Variants in MTSS1 observed in about 807,000 individuals in gnomAD.
MTSS1 encodes MTSS I-BAR domain containing 1.
In MTSS1, 18 loss-of-function variants were observed where a neutral mutation model predicts 79.0. The ratio of observed to expected loss-of-function variants is 0.23; its 90% CI spans 0.16 to 0.34. The LOEUF is 0.34. MTSS1 is among the 10% of genes least tolerant of loss of function. MTSS1 has a pLI of 1.00. For missense variants in MTSS1, 815 were observed against 986.2 expected, an observed-to-expected ratio of 0.83 and a Z score of 2.33; for synonymous variants, 341 against 368.6, an observed-to-expected ratio of 0.93 and a Z score of 0.86.
chr8:124,668,301 T>C (rs1217059052), intron 3 of MTSS1, among the ~76,000 whole-genome samples: 1 of 152,202 alleles, frequency 6.6e-6, no homozygotes, highest in East Asian at 1.9e-4. Flanking sequence ...GCCCTAACCC[T>C]ACCAATGTGT....
intron 8 of MTSS1, 53 bp downstream of exon 8, chr8:124,567,018 G>A (rs1366827251): frequency 4.1e-5 from 58 of 1,410,878 alleles, no homozygotes; most frequent in Non-Finnish European, 5.1e-5. Context: ...TCAGGGCCTT[G>A]AGCTTTTACC....
chr8:124,687,666 C>A (rs1427970478), intron 3 of MTSS1, among the ~76,000 whole-genome samples: 1 of 152,230 alleles, frequency 6.6e-6, no homozygotes, highest in East Asian at 1.9e-4. Context: ...CGGGTAAACA[C>A]CCTTGTCAGC....
chr8:124,604,623 C>T (rs1834489287), intron 3 of MTSS1, among the ~76,000 whole-genome samples: 1 of 151,920 alleles, frequency 6.6e-6, no homozygotes, highest in Non-Finnish European at 1.5e-5. Flanking sequence ...CTGTTTTATT[C>T]AGCTACTGTA....
chr8:124,610,960 T>C (rs7839742), intron 3 of MTSS1, among the ~76,000 whole-genome samples: 116 of 152,338 alleles, frequency 7.6e-4, no homozygotes, highest in Admixed American at 2.8e-3. Context: ...TTATGCTACA[T>C]GGAAACAGCA....
At chr8:124,571,465 AG>A (rs554010858) in intron 6 of MTSS1, among the ~76,000 whole-genome samples, 150 of 152,332 alleles carry the variant, frequency 9.8e-4, no homozygotes, top group African/African-American at 3.5e-3. Context: ...CACATGACTC[AG>A]GGCTGGTCTA....
At chr8:124,564,687 T>TACACACACACACACACACACACACACA (rs1554639346) in intron 9 of MTSS1, 3 of 47,446 alleles carry the variant, frequency 6.3e-5, no homozygotes, top group Admixed American at 3.6e-4. Flanking sequence ...GGTCTCTCTT[T>TACACACACACACACACACACACACACA]CACTCACACA....
chr8:124,639,797 TACTA>T (rs1817693184), intron 3 of MTSS1, among the ~76,000 whole-genome samples: 1 of 152,236 alleles, frequency 6.6e-6, no homozygotes, highest in South Asian at 2.1e-4. Context: ...CTATGACTAT[TACTA>T]ACTAAATGTT....
intron 3 of MTSS1, among the ~76,000 whole-genome samples, chr8:124,639,620 G>C (rs946946646): frequency 6.6e-6 from 1 of 151,924 alleles, no homozygotes; most frequent in African/African-American, 2.4e-5. Flanking sequence ...GTGCCACCAT[G>C]CCCAGCTAAT....
At chr8:124,670,634 G>C (rs1269323269) in intron 3 of MTSS1, among the ~76,000 whole-genome samples, 1 of 152,202 alleles carries the variant, frequency 6.6e-6, no homozygotes, top group Non-Finnish European at 1.5e-5. Context: ...AACACCATTT[G>C]TACAGCACCC....
rs374182226 is a variant in MTSS1, at chr8:124,727,989, C to A, written c.-34G>T. 3.8e-5 allele frequency: 61 copies of A among 1,597,332 alleles called. No individual in the cohort carries two copies. The African/African-American group carries it at 7.8e-4, about 20-fold the overall frequency. On this transcript the variant is annotated 5_prime_UTR_variant, in exon 1 of 14. Coordinates refer to ENST00000518547, the MANE Select transcript of MTSS1 (RefSeq NM_014751.6). The surrounding 1 kb of genome is among the most constrained non-coding windows in gnomAD (Gnocchi z 4.7). The stretch of plus-strand genomic sequence containing the variant: ...CTCCGGCAGGGCGAGGGCACACACG[C>A]GGGGCCGCTGGACTGCGCGCGGGGC...
intron 3 of MTSS1, among the ~76,000 whole-genome samples, chr8:124,604,016 A>G (rs1038719145): frequency 1.3e-5 from 2 of 152,190 alleles, no homozygotes; most frequent in Non-Finnish European, 2.9e-5. Context: ...GTTCAAGACC[A>G]GCCTGGCCAG....
chr8:124,692,425 C>A (rs180821143), intron 3 of MTSS1, among the ~76,000 whole-genome samples: 7 of 151,812 alleles, frequency 4.6e-5, no homozygotes, highest in Non-Finnish European at 1.0e-4. Context: ...TCTAATTACA[C>A]GAAAGAGTTC....
chr8:124,602,093 G>A (rs1229079392), intron 3 of MTSS1, among the ~76,000 whole-genome samples: 3 of 150,264 alleles, frequency 2.0e-5, no homozygotes, highest in African/African-American at 7.4e-5. Flanking sequence ...CTGGGCCACA[G>A]TGGAAGAGGA....
chr8:124,580,672 T>C lies in MTSS1; in HGVS notation c.460+4415A>G, dbSNP rs796300044. On this transcript the variant is annotated intron_variant, in intron 6 of 13. Coordinates refer to ENST00000518547, the MANE Select transcript of MTSS1 (RefSeq NM_014751.6). ...CAGCAGCAGTCTTACCTTTGTTTCA[T>C]GTGTTAAACAGTCCATGGCTCGCCA... 6.0e-6 allele frequency: 8 copies of C among 1,333,754 alleles called. No homozygotes were observed. The African/African-American group carries it at 7.2e-5, about 12-fold the overall frequency. The allele number at this position is 1,333,754 out of a possible 1,614,324, so 82.6% of individuals were successfully genotyped here. A position where few individuals can be genotyped will look rare whatever the true frequency, so the allele number is the denominator to read the frequency against.
chr8:124,567,820 G>A (rs1168538229), intron 7 of MTSS1: 1 of 1,516,174 alleles, frequency 6.6e-7, no homozygotes, highest in East Asian at 2.5e-5. Flanking sequence ...TAAGGGAAAT[G>A]AGCTGGTACC....
At chr8:124,700,454 T>G (rs1325300147) in intron 2 of MTSS1, among the ~76,000 whole-genome samples, 4 of 152,184 alleles carry the variant, frequency 2.6e-5, no homozygotes, top group Admixed American at 2.6e-4. Flanking sequence ...CTCACAGGCT[T>G]GGGCTTGACC....
At chr8:124,720,459 G>C (rs1832741429) in intron 1 of MTSS1, among the ~76,000 whole-genome samples, 1 of 152,208 alleles carries the variant, frequency 6.6e-6, no homozygotes, top group Admixed American at 6.5e-5. Flanking sequence ...GATGGGAAAA[G>C]ATGACCCTAA....
chr8:124,684,121 C>A (rs1193986924), intron 3 of MTSS1, among the ~76,000 whole-genome samples: 2 of 152,016 alleles, frequency 1.3e-5, no homozygotes, highest in African/African-American at 4.8e-5. Flanking sequence ...TTTTTCTAGA[C>A]GAATGAACTG....
At chr8:124,671,868 T>G (rs189107691) in intron 3 of MTSS1, among the ~76,000 whole-genome samples, 17 of 152,318 alleles carry the variant, frequency 1.1e-4, no homozygotes, top group Non-Finnish European at 2.2e-4. Context: ...ATAAACACAC[T>G]ATGATCAATA....
Sources: gnomAD v4.1 joint callset for allele counts (sites outside exome capture counted in the v4.1 genomes callset) on GRCh38, gnomAD v4.1.1 for gene constraint, Gnocchi (gnomAD v3.1) non-coding constraint, MANE v1.5 for transcripts, NCBI Gene and HGNC (gene_info 2026-07-23, HGNC 2026-07-21) for gene names.